Variants in LEKR1 observed in about 807,000 individuals in gnomAD.
LEKR1 encodes the protein leucine, glutamate and lysine rich 1.
A neutral mutation model predicts 72.4 loss-of-function variants in LEKR1; 59 were observed. That is an observed-to-expected ratio of 0.82 (90% CI 0.66 to 1.01). The LOEUF (loss-of-function observed/expected upper bound fraction) is 1.01. Ranked by LOEUF, LEKR1 falls within the 50% of genes least tolerant of loss-of-function variation. LEKR1 has a pLI of 0.00. For synonymous variants in LEKR1, 257 were observed against 263.2 expected (o/e 0.98, Z 0.23); for missense variants, 728 against 759.2 (o/e 0.96, Z 0.48).
At chr3:157,002,230 A>G (rs1732070982) in intron 9 of LEKR1, among the ~76,000 whole-genome samples, 1 of 152,200 alleles carries the variant, frequency 6.6e-6, no homozygotes, top group South Asian at 2.1e-4. Context: ...TCAGCTACTT[A>G]TAACATGGAA....
At chr3:156,915,024 A>C (rs1723485821) in intron 3 of LEKR1, among the ~76,000 whole-genome samples, 1 of 152,028 alleles carries the variant, frequency 6.6e-6, no homozygotes, top group African/African-American at 2.4e-5. Flanking sequence ...CCCACTTATA[A>C]GTGAGAACAT....
At chr3:157,028,555 C>T (rs993968954) in intron 12 of LEKR1, among the ~76,000 whole-genome samples, 153 bp downstream of exon 12, 1 of 151,382 alleles carries the variant, frequency 6.6e-6, no homozygotes, top group Admixed American at 6.6e-5. Flanking sequence ...TGTCCTTAAT[C>T]ACATCCTGGT....
At chr3:156,989,443 A>G (rs1291706258) in intron 7 of LEKR1, among the ~76,000 whole-genome samples, 2 of 152,206 alleles carry the variant, frequency 1.3e-5, no homozygotes, top group African/African-American at 2.4e-5. Context: ...CAGTAAGCCT[A>G]TACAGATATG....
At chr3:156,946,483 T>C (rs115038909) in intron 6 of LEKR1, among the ~76,000 whole-genome samples, 7,911 of 151,586 alleles carry the variant, frequency 0.052, 241 homozygotes, top group South Asian at 0.12. Context: ...CTGTGTTGAA[T>C]AATGGTGGTG....
intron 6 of LEKR1, among the ~76,000 whole-genome samples, chr3:156,943,755 G>C (rs1226923724): frequency 6.6e-6 from 1 of 151,858 alleles, no homozygotes; most frequent in African/African-American, 2.4e-5. Flanking sequence ...AGTCTTTAAT[G>C]ATGGGAGCAT....
intron 3 of LEKR1, among the ~76,000 whole-genome samples, chr3:156,899,626 A>G (rs1330310513): frequency 3.0e-5 from 3 of 100,254 alleles, no homozygotes; most frequent in African/African-American, 8.5e-5. Flanking sequence ...ATATATACAC[A>G]TATATACACG....
intron 3 of LEKR1, among the ~76,000 whole-genome samples, chr3:156,919,790 G>GAGTT (rs1453332936): frequency 2.6e-5 from 4 of 152,124 alleles, no homozygotes; most frequent in African/African-American, 7.2e-5. Flanking sequence ...TGGACGTTGT[G>GAGTT]AGTTAGTGTT....
At chr3:156,832,315 T>G (rs1191708737) in intron 2 of LEKR1, among the ~76,000 whole-genome samples, 1 of 152,156 alleles carries the variant, frequency 6.6e-6, no homozygotes, top group African/African-American at 2.4e-5. Context: ...CAATCAGATA[T>G]GGGGTCATTA....
intron 6 of LEKR1, among the ~76,000 whole-genome samples, chr3:156,958,226 T>C (rs1727825473): frequency 6.6e-6 from 1 of 152,116 alleles, no homozygotes; most frequent in Non-Finnish European, 1.5e-5. Context: ...CATATAGAAA[T>C]TGTCAAAACA....
intron 6 of LEKR1, among the ~76,000 whole-genome samples, chr3:156,952,446 A>T (rs1167960649): frequency 6.6e-6 from 1 of 151,466 alleles, no homozygotes; most frequent in African/African-American, 2.4e-5. Context: ...TTTAGCTTTG[A>T]TCTTTTTTCC....
Position 156,927,466 on chromosome 3 carries a change from A to C in LEKR1, c.421A>C (p.Thr141Pro). 1 of 1,165,480 alleles carries C rather than the reference A, an allele frequency of 8.6e-7. No individual in the cohort carries two copies. The highest frequency in any genetic ancestry group is 1.1e-6 in the Non-Finnish European group (1 of 921,818). The allele number at this position is 1,165,480 out of a possible 1,614,324, so 72.2% of individuals were successfully genotyped here. A position where few individuals can be genotyped will look rare whatever the true frequency, so the allele number is the denominator to read the frequency against. Reference protein sequence around the residue: ...LSEYKYFWNKTLSLLTFTKRE... With the variant: ...LSEYKYFWNKPLSLLTFTKRE... The stretch of plus-strand genomic sequence containing the variant: ...AGAGTACAAATATTTCTGGAATAAG[A>C]CTCTTTCATTACTTACTTTTACTAA... Residue 141 changes from threonine (T) to proline (P), a missense_variant, in exon 5 of 13, where the codon ACT becomes CCT. By Grantham distance (38) the Thr-to-Pro change is conservative. Coordinates refer to ENST00000356539, the MANE Select transcript of LEKR1 (RefSeq NM_001004316.3).
intron 4 of LEKR1, chr3:156,924,600 C>T (rs1724532679): frequency 3.3e-6 from 2 of 597,950 alleles, no homozygotes; most frequent in Non-Finnish European, 6.0e-6. Flanking sequence ...TTCTTTAGAT[C>T]TATGATCTAT....
At chr3:156,960,081 C>G (rs905661747) in intron 6 of LEKR1, among the ~76,000 whole-genome samples, 2 of 152,128 alleles carry the variant, frequency 1.3e-5, no homozygotes, top group Non-Finnish European at 2.9e-5. Context: ...ATGTCCACAC[C>G]TAGGCAATGA....
At chr3:156,939,976 G>A (rs1392736426) in intron 5 of LEKR1, among the ~76,000 whole-genome samples, 1 of 151,954 alleles carries the variant, frequency 6.6e-6, no homozygotes, top group Admixed American at 6.6e-5. Context: ...TGTTTCTTTT[G>A]GATATGTGTT....
At chr3:156,889,461 C>G (rs1720440169) in intron 3 of LEKR1, among the ~76,000 whole-genome samples, 1 of 152,090 alleles carries the variant, frequency 6.6e-6, no homozygotes, top group Admixed American at 6.6e-5. Flanking sequence ...ATTTGGATTT[C>G]TCTCTCAGAA....
intron 3 of LEKR1, among the ~76,000 whole-genome samples, chr3:156,894,523 T>A (rs943456913): frequency 1.3e-5 from 2 of 152,224 alleles, no homozygotes; most frequent in African/African-American, 4.8e-5. Context: ...ATATTTTTCA[T>A]AGAATTAGAA....
At chr3:156,826,904 A>T (rs768603033) in intron 1 of LEKR1, 1 of 155,474 alleles carries the variant, frequency 6.4e-6, no homozygotes, top group Non-Finnish European at 1.5e-5. Context: ...CTGACGTGAC[A>T]CTAGTGTGAG....
At chr3:157,034,094 A>T (rs1205316493) in intron 12 of LEKR1, among the ~76,000 whole-genome samples, 1 of 152,162 alleles carries the variant, frequency 6.6e-6, no homozygotes, top group Non-Finnish European at 1.5e-5. Context: ...CTCATTGACA[A>T]TGCATCTGGT....
rs207463929 is a variant in LEKR1 at position 156,927,430 on chromosome 3, C to T, written c.385C>T (p.Gln129Ter). Residue 129 changes from glutamine (Q) to a stop codon, truncating the protein, a stop_gained and splice_region_variant, in exon 5 of 13, where the codon CAA becomes TAA. Transcript: ENST00000356539. LOFTEE classifies it high-confidence loss of function. ...IKYRQSYIFS[Q>*]RLSEYKYFWN... ...CTATTTTTTTTTTTTACTTTGCAGT[C>T]AAAGATTGTCAGAGTACAAATATTT... The T allele has an allele frequency of 3.8e-6, 4 of 1,054,318 alleles. No homozygotes were observed. Among genetic ancestry groups the T allele is most frequent in the East Asian group, 1.0e-4 (1 of 10,022 alleles). The allele number at this position is 1,054,318 out of a possible 1,614,324, so 65.3% of individuals were successfully genotyped here. A position where few individuals can be genotyped will look rare whatever the true frequency, so the allele number is the denominator to read the frequency against.
Sources: allele counts gnomAD v4.1 joint callset (sites outside exome capture counted in the v4.1 genomes callset), GRCh38; gene constraint gnomAD v4.1.1; transcripts MANE v1.5; gene names NCBI Gene and HGNC (gene_info 2026-07-23, HGNC 2026-07-21).